NREP: variants seen among roughly 807,000 people sequenced by gnomAD.
NREP encodes neuronal regeneration related protein, also known as neuronal regeneration-related protein.
Under a neutral mutation model 8.6 loss-of-function variants are expected in NREP, and 5 were observed. That is an observed-to-expected ratio of 0.58 (90% CI 0.30 to 1.22). The LOEUF is 1.22. NREP is among the 50% of genes most tolerant of loss of function. The pLI is 0.07. For missense variants in NREP, 86 were observed against 82.5 expected (o/e 1.04, Z -0.17); for synonymous variants, 27 against 28.0 (o/e 0.96, Z 0.11).
chr5:111,757,471 G>C (rs1750799557), upstream of NREP: 1 of 985,114 alleles, frequency 1.0e-6, no homozygotes, highest in Non-Finnish European at 1.2e-6. Context: ...GGGTGCTAGT[G>C]AACAATGAGC....
intron 2 of NREP, among the ~76,000 whole-genome samples, chr5:111,879,112 G>C (rs755295890): frequency 1.3e-5 from 2 of 152,152 alleles, no homozygotes; most frequent in African/African-American, 4.8e-5. Context: ...GTTGTTTAAA[G>C]AGCCTGGCAA....
At chr5:111,757,508 C>T (rs968665741), upstream of NREP, 26 of 984,990 alleles carry the variant, frequency 2.6e-5, no homozygotes, top group African/African-American at 3.8e-4. Flanking sequence ...GGCGCGGAGC[C>T]AGCGCCCCAG....
chr5:111,816,418 T>C, intron 2 of NREP, among the ~76,000 whole-genome samples: 1 of 152,102 alleles, frequency 6.6e-6, no homozygotes, highest in Admixed American at 6.6e-5. Context: ...TTAAAACATA[T>C]ATAAACAAAA....
rs1581267482 is a variant in NREP, at chr5:111,976,648, T to C, written c.30+62A>G. The C allele has an allele frequency of 9.4e-6, 13 of 1,376,138 alleles. No homozygotes were observed. In the East Asian group the frequency reaches 2.0e-4, roughly 21 times the overall value. 85.2% of individuals were successfully genotyped at this position (1,376,138 alleles called of 1,614,324 possible). On this transcript the variant is annotated intron_variant, in intron 1 of 3. Coordinates refer to the NREP transcript ENST00000395634. ...TGAGGCAGAGACAAACATCCTATAATTGTTTTCTTCCTTTAAAAATGTCCC... is the reference window on the plus strand; with the variant it reads ...TGAGGCAGAGACAAACATCCTATAACTGTTTTCTTCCTTTAAAAATGTCCC...
upstream of NREP, among the ~76,000 whole-genome samples, chr5:111,762,228 G>A (rs1248681306): frequency 6.6e-6 from 1 of 152,132 alleles, no homozygotes; most frequent in Non-Finnish European, 1.5e-5. Context: ...TTCTGGCTTT[G>A]TGACTGCTTG....
Position 111,735,507 on chromosome 5 carries a change from C to T in NREP, c.4G>A (p.Val2Ile). The T allele has an allele frequency of 6.2e-7, 1 of 1,608,026 alleles. No individual in the cohort carries two copies. The highest frequency in any genetic ancestry group is 1.1e-5 in the South Asian group (1 of 90,806). The change falls in exon 3 of 4, where the codon GTT (valine) becomes ATT (isoleucine). Residue 2 changes from valine to isoleucine, a missense_variant and splice_region_variant. Transcript: ENST00000257435. ...CAGACAAAGAGTTCTGGGTAATAAA[C>T]CTATAGAGACACAAAAGCATACACA... M[V>I]YYPELFVWVS...
intron 2 of NREP, among the ~76,000 whole-genome samples, chr5:111,932,017 T>C (rs1011698774): frequency 6.6e-6 from 1 of 150,884 alleles, no homozygotes; most frequent in African/African-American, 2.4e-5. Flanking sequence ...ACAGAAAAAG[T>C]ATCCTGAATG....
intron 2 of NREP, among the ~76,000 whole-genome samples, chr5:111,793,592 T>C (rs930916893): frequency 3.9e-5 from 6 of 152,170 alleles, no homozygotes; most frequent in Non-Finnish European, 7.3e-5. Flanking sequence ...TAATCTATTC[T>C]GGAACACAGT....
intron 2 of NREP, among the ~76,000 whole-genome samples, chr5:111,962,380 C>T (rs536449787): frequency 6.6e-6 from 1 of 151,924 alleles, no homozygotes; most frequent in Non-Finnish European, 1.5e-5. Context: ...AATCCCAAAC[C>T]CCCATTCATC....
chr5:111,753,382 T>C (rs948045480), intron 2 of NREP, among the ~76,000 whole-genome samples: 1 of 147,864 alleles, frequency 6.8e-6, no homozygotes, highest in Non-Finnish European at 1.5e-5. Context: ...TAGATATATA[T>C]AGATTATATA....
In NREP at chr5:111,975,029, G is replaced by A. The variant is rs141386448; in HGVS notation, c.135+245C>T. 4.6e-5 allele frequency among the ~76,000 whole-genome samples: 7 copies of A among 152,312 alleles called. No individual in the cohort carries two copies. In the East Asian group the frequency reaches 1.4e-3, roughly 29 times the overall value. On this transcript the variant is annotated intron_variant, in intron 2 of 3. Coordinates refer to the NREP transcript ENST00000395634. ...AATGGTAGAGGGACTTGGGATGGAT[G>A]CTAAGTAAGGATTGCACTTCCACAG...
At chr5:111,809,335 T>A (rs1479878808) in intron 2 of NREP, among the ~76,000 whole-genome samples, 1 of 152,250 alleles carries the variant, frequency 6.6e-6, no homozygotes, top group Non-Finnish European at 1.5e-5. Flanking sequence ...TCTGCAGTTT[T>A]GACCATAGTC....
intron 2 of NREP, among the ~76,000 whole-genome samples, chr5:111,747,724 G>A (rs1369312827): frequency 6.6e-6 from 1 of 151,934 alleles, no homozygotes; most frequent in African/African-American, 2.4e-5. Context: ...TTCATGCCAC[G>A]TTCTCTTATG....
At chr5:111,829,596 T>C (rs1752713874) in intron 2 of NREP, among the ~76,000 whole-genome samples, 1 of 152,228 alleles carries the variant, frequency 6.6e-6, no homozygotes, top group Non-Finnish European at 1.5e-5. Flanking sequence ...CTAAGCTCAA[T>C]TCCTCCATCA....
At chr5:111,728,982 G>GAGAA (rs1187674956), downstream of NREP, 2 of 152,300 alleles carry the variant, frequency 1.3e-5, no homozygotes, top group Admixed American at 6.5e-5. Context: ...GGCAAGGAGT[G>GAGAA]AGAAAGAGTA....
intron 2 of NREP, among the ~76,000 whole-genome samples, chr5:111,737,783 A>G (rs1749275665): frequency 6.6e-6 from 1 of 152,028 alleles, no homozygotes; most frequent in Non-Finnish European, 1.5e-5. Flanking sequence ...ACTTGGGAAC[A>G]TGAATATCTG....
intron 2 of NREP, among the ~76,000 whole-genome samples, chr5:111,885,908 A>G (rs1310883280): frequency 6.6e-6 from 1 of 152,190 alleles, no homozygotes; most frequent in Non-Finnish European, 1.5e-5. Context: ...GGACATAGGC[A>G]TGGGCAAGGA....
At chr5:111,799,811 C>T (rs923839345) in intron 2 of NREP, among the ~76,000 whole-genome samples, 9 of 152,152 alleles carry the variant, frequency 5.9e-5, no homozygotes, top group Non-Finnish European at 1.3e-4. Flanking sequence ...TAAGGCTTAG[C>T]CAATAGTCCA....
chr5:111,768,579 A>C (rs1751140708), intron 2 of NREP, among the ~76,000 whole-genome samples: 2 of 151,970 alleles, frequency 1.3e-5, no homozygotes, highest in African/African-American at 4.8e-5. Flanking sequence ...ATGAGTACTG[A>C]ATGTTTAGCT....
Sources: allele counts gnomAD v4.1 joint callset (sites outside exome capture counted in the v4.1 genomes callset), GRCh38; gene constraint gnomAD v4.1.1; transcripts MANE v1.5; gene names NCBI Gene and HGNC (gene_info 2026-07-23, HGNC 2026-07-21).